CBLB: variants seen among roughly 807,000 people sequenced by gnomAD.
CBLB encodes the protein Cbl proto-oncogene B, also known as E3 ubiquitin-protein ligase CBL-B.
CBLB carries 31 observed loss-of-function variants against 104.9 expected under a neutral mutation model. The ratio of observed to expected loss-of-function variants is 0.30; its 90% confidence interval spans 0.22 to 0.40. CBLB has a LOEUF of 0.40. Ranked by LOEUF, CBLB falls within the 10% of genes least tolerant of loss-of-function variation. The probability of loss-of-function intolerance (pLI) is 1.00; values close to 1 mark genes in which losing one functional copy is unlikely to be tolerated. For synonymous variants in CBLB, 440 were observed against 422.6 expected (o/e 1.04, Z -0.51); for missense variants, 1,062 against 1,214.6 (o/e 0.87, Z 1.87).
chr3:105,704,338 C>A (rs565257839), intron 10 of CBLB, among the ~76,000 whole-genome samples, 165 bp from the exon 11 acceptor site: 36 of 152,124 alleles, frequency 2.4e-4, no homozygotes, highest in Non-Finnish European at 4.9e-4. Context: ...TTCATACTGT[C>A]CCTCAAGGGT....
chr3:105,816,448 T>C lies in CBLB; in HGVS notation c.419+36966A>G, dbSNP rs1056164149. Among the ~76,000 whole-genome samples the C allele has an allele frequency of 3.3e-5, 5 of 152,184 alleles. No homozygotes were observed. The East Asian group carries it at 5.8e-4, about 18-fold the overall frequency. ...TATTCTTTCTTCAAAAGCTTGATTT[T>C]TGCAATGTTAAGCTCCTGGGTATAC... is the stretch of plus-strand genomic sequence containing the variant. On this transcript the variant is annotated intron_variant, in intron 3 of 18. Transcript: ENST00000394030.
intron 3 of CBLB, among the ~76,000 whole-genome samples, chr3:105,814,162 G>A (rs181271230): frequency 4.6e-5 from 7 of 152,038 alleles, no homozygotes; most frequent in East Asian, 1.9e-4. Flanking sequence ...CTCAAAATCC[G>A]AATAGAATTT....
At chr3:105,785,062 G>A (rs1354454433) in intron 3 of CBLB, among the ~76,000 whole-genome samples, 4 of 152,280 alleles carry the variant, frequency 2.6e-5, no homozygotes. Flanking sequence ...GGGCACAAAG[G>A]TTTCCTTGAA....
intron 3 of CBLB, among the ~76,000 whole-genome samples, chr3:105,781,732 T>C: frequency 6.6e-6 from 1 of 152,176 alleles, no homozygotes; most frequent in East Asian, 1.9e-4. Context: ...GCTGAATTAG[T>C]AAAAACTTTA....
At chr3:105,774,042 C>T (rs1334680803) in intron 4 of CBLB, among the ~76,000 whole-genome samples, 7 of 152,290 alleles carry the variant, frequency 4.6e-5, no homozygotes, top group South Asian at 4.1e-4. Context: ...ATTGCCATTG[C>T]GACTGTATTA....
At chr3:105,743,236 T>A (rs527651672) in intron 6 of CBLB, among the ~76,000 whole-genome samples, 1 of 151,984 alleles carries the variant, frequency 6.6e-6, no homozygotes, top group African/African-American at 2.4e-5. Flanking sequence ...GCAAGGTGGA[T>A]CATTTGAGGC....
intron 7 of CBLB, among the ~76,000 whole-genome samples, chr3:105,739,788 C>T (rs965117344): frequency 1.3e-5 from 2 of 152,004 alleles, no homozygotes; most frequent in African/African-American, 4.8e-5. Flanking sequence ...AAAAGAAAAT[C>T]TGGCACTAAC....
chr3:105,679,447 C>T (rs1488384692), intron 16 of CBLB, among the ~76,000 whole-genome samples: 1 of 150,496 alleles, frequency 6.6e-6, no homozygotes, highest in African/African-American at 2.4e-5. Context: ...AAAATTCACA[C>T]TTTTAAGTTG....
intron 10 of CBLB, among the ~76,000 whole-genome samples, chr3:105,710,191 T>G (rs958389169): frequency 3.9e-5 from 6 of 151,936 alleles, no homozygotes; most frequent in African/African-American, 1.4e-4. Context: ...TTTTTCATGG[T>G]AGAGATTTCG....
intron 3 of CBLB, among the ~76,000 whole-genome samples, chr3:105,785,115 A>C (rs1314083336): frequency 1.3e-5 from 2 of 152,204 alleles, no homozygotes; most frequent in Non-Finnish European, 2.9e-5. Context: ...TTTCAGCTCT[A>C]TCAGCGCACA....
chr3:105,719,543 T>C (rs1336259438), intron 10 of CBLB, among the ~76,000 whole-genome samples: 4 of 152,278 alleles, frequency 2.6e-5, no homozygotes, highest in South Asian at 4.1e-4. Context: ...CTTAACGTCA[T>C]AGCACAAAGC....
chr3:105,743,392 G>A (rs1277468681), intron 6 of CBLB, among the ~76,000 whole-genome samples: 1 of 151,464 alleles, frequency 6.6e-6, no homozygotes, highest in African/African-American at 2.4e-5. Flanking sequence ...CCCAGGAGGT[G>A]GAGCTTACAG....
At chr3:105,796,026 C>T (rs1331767178) in intron 3 of CBLB, among the ~76,000 whole-genome samples, 1 of 152,000 alleles carries the variant, frequency 6.6e-6, no homozygotes, top group Admixed American at 6.6e-5. Context: ...CAGGCCAACA[C>T]CGTGATTTTT....
intron 4 of CBLB, among the ~76,000 whole-genome samples, chr3:105,775,126 G>T (rs1044689792): frequency 6.6e-5 from 10 of 152,096 alleles, no homozygotes; most frequent in African/African-American, 2.4e-4. Flanking sequence ...ATGAATATAT[G>T]AACATTATAA....
intron 3 of CBLB, among the ~76,000 whole-genome samples, chr3:105,813,703 A>T (rs2084628518): frequency 6.6e-6 from 1 of 152,170 alleles, no homozygotes; most frequent in South Asian, 2.1e-4. Flanking sequence ...TTTTGTGATG[A>T]AAGTATTACA....
chr3:105,705,620 T>C lies in CBLB; in HGVS notation c.1408-1447A>G, dbSNP rs368746418. Among the ~76,000 whole-genome samples the C allele has an allele frequency of 9.9e-5, 15 of 152,278 alleles. No individual in the cohort carries two copies. In the South Asian group the frequency reaches 3.1e-3, roughly 32 times the overall value. ...GGAGTAGGACCACGGAAGTAAAGTG[T>C]CATTTTGACCACATCATATCAAGGA... is the stretch of plus-strand genomic sequence containing the variant. On this transcript the variant is annotated intron_variant, in intron 10 of 18. Transcript: ENST00000394030.
chr3:105,758,888 G>C (rs930947072), intron 4 of CBLB, among the ~76,000 whole-genome samples: 1 of 152,352 alleles, frequency 6.6e-6, no homozygotes, highest in South Asian at 2.1e-4. Context: ...GGAGCCTGTA[G>C]GTGTGGGCTC....
intron 10 of CBLB, among the ~76,000 whole-genome samples, chr3:105,710,431 A>C (rs1026116091): frequency 1.3e-5 from 2 of 151,974 alleles, no homozygotes; most frequent in African/African-American, 4.8e-5. Context: ...CCTTATGTAG[A>C]GGTAACTGCA....
At chr3:105,756,460 A>C (rs768117563) in intron 4 of CBLB, among the ~76,000 whole-genome samples, 7 of 152,210 alleles carry the variant, frequency 4.6e-5, no homozygotes, top group Non-Finnish European at 7.3e-5. Flanking sequence ...CCATACACAG[A>C]GATATAAAAA....
Sources: allele counts gnomAD v4.1 joint callset (sites outside exome capture counted in the v4.1 genomes callset), GRCh38; gene constraint gnomAD v4.1.1; transcripts MANE v1.5; gene names NCBI Gene and HGNC (gene_info 2026-07-23, HGNC 2026-07-21).